The following RAI1 variants were observed in gnomAD, a reference collection of about 807,000 sequenced individuals.
RAI1 encodes retinoic acid-induced protein 1.
In RAI1, 9 loss-of-function variants were observed where a neutral mutation model predicts 123.8. The ratio of observed to expected loss-of-function variants is 0.07; its 90% CI spans 0.04 to 0.13. The LOEUF (loss-of-function observed/expected upper bound fraction) is 0.13. Among genes scored for constraint, RAI1 ranks in the 10% least tolerant of loss-of-function variants. RAI1 has a pLI of 1.00. For missense variants in RAI1, 2,256 were observed against 2,545.8 expected, an observed-to-expected ratio of 0.89 and a Z score of 2.45; for synonymous variants, 1,231 against 1,127.3, an observed-to-expected ratio of 1.09 and a Z score of -1.84.
In RAI1 at chr17:17,795,107, A is replaced by T. The variant is rs781214157; in HGVS notation, c.2159A>T (p.Asp720Val). Residue 720 changes from aspartate to valine, a missense_variant, in exon 3 of 6, where the codon GAC becomes GTC. This residue lies in a region of RAI1 where 566 missense variants were observed against 616.0 expected (regional missense o/e 0.92). Coordinates refer to ENST00000353383, the MANE Select transcript of RAI1 (RefSeq NM_030665.4). This position sits in a 1 kb window ranked among gnomAD's most constrained non-coding sequence, Gnocchi z 5.9. ...CCCACCCTTGGGGTTCCTGCTCCAG[A>T]CCCCACTACAGCAGCTTTTGACTGT... ...TKPTLGVPAP[D>V]PTTAAFDCFP... 6.2e-6 allele frequency: 10 copies of T among 1,613,856 alleles called. No individual in the cohort carries two copies. The East Asian group carries it at 2.2e-4, about 36-fold the overall frequency.
At chr17:17,782,747 G>C (rs2031642029) in intron 2 of RAI1, among the ~76,000 whole-genome samples, 1 of 151,932 alleles carries the variant, frequency 6.6e-6, no homozygotes, top group African/African-American at 2.4e-5. Flanking sequence ...CCTGGGGCCC[G>C]GCGAGCCGGG....
At position 17,797,530 on chromosome 17, in the gene RAI1, C is replaced by G. The variant is rs150165415; in HGVS notation, c.4582C>G (p.His1528Asp). ...PQTRAQKQPG[H>D]TNYSSYSKRK... ...GACAAGGGCACAGAAACAGCCAGGC[C>G]ACACCAACTACAGCAGCTATTCCAA... The change falls in exon 3 of 6, where the codon CAC (histidine) becomes GAC (aspartate). Residue 1528 changes from histidine (H) to aspartate (D), a missense_variant. His to Asp is a moderately conservative substitution (Grantham distance 81). Transcript: ENST00000353383. 1 of 1,613,956 alleles carries G rather than the reference C, an allele frequency of 6.2e-7. No individual in the cohort carries two copies. The highest frequency in any genetic ancestry group is 8.5e-7 in the Non-Finnish European group (1 of 1,179,944).
chr17:17,772,693 T>C (rs1482994461), intron 2 of RAI1, among the ~76,000 whole-genome samples: 1 of 152,172 alleles, frequency 6.6e-6, no homozygotes, highest in Non-Finnish European at 1.5e-5. Flanking sequence ...TCAGGTGAAG[T>C]GTCACTCCCC....
At chr17:17,759,297 T>C (rs980908482) in intron 2 of RAI1, 1 of 152,206 alleles carries the variant, frequency 6.6e-6, no homozygotes, top group Non-Finnish European at 1.5e-5. Flanking sequence ...CGAGGAGTTG[T>C]CTCACTCTTT....
chr17:17,803,839 C>T lies in RAI1; in HGVS notation c.5649C>T (p.Ala1883=), dbSNP rs753651514. The T allele has an allele frequency of 2.5e-6, 4 of 1,613,282 alleles. No homozygotes were observed. Among genetic ancestry groups the T allele is most frequent in the East Asian group, 2.2e-5 (1 of 44,898 alleles). The change falls in exon 4 of 6, where the codon GCC becomes GCT. Residue 1883 remains alanine, a synonymous_variant. Transcript: ENST00000353383. ...GCLHTYHYPC[A]SDAGCIFIEE... ...TCCACACCTACCACTACCCGTGTGC[C>T]AGCGATGCAGGTACGAGCCCGCCCA...
chr17:17,704,846 T>A, intron 1 of RAI1, among the ~76,000 whole-genome samples: 1 of 108,084 alleles, frequency 9.3e-6, no homozygotes. Context: ...GAAATTGTGC[T>A]TCCTGGTGGT....
chr17:17,783,187 C>T (rs2031672387), intron 2 of RAI1, among the ~76,000 whole-genome samples: 1 of 152,086 alleles, frequency 6.6e-6, no homozygotes, highest in Non-Finnish European at 1.5e-5. Context: ...CCTGCAGCGA[C>T]CGGGGACCGG....
chr17:17,771,656 T>C (rs926652955), intron 2 of RAI1, among the ~76,000 whole-genome samples: 1 of 152,212 alleles, frequency 6.6e-6, no homozygotes, highest in Admixed American at 6.5e-5. Flanking sequence ...CCCGCCTTTG[T>C]TTCCCAGCAA....
chr17:17,802,109 C>T (rs764680874), intron 3 of RAI1: 42 of 470,896 alleles, frequency 8.9e-5, no homozygotes, highest in Non-Finnish European at 8.4e-5. Context: ...TTCACTCTTC[C>T]AAGGGCCTTC....
intron 1 of RAI1, among the ~76,000 whole-genome samples, chr17:17,702,717 C>T (rs1915265057): frequency 6.6e-6 from 1 of 152,182 alleles, no homozygotes; most frequent in South Asian, 2.1e-4. Flanking sequence ...TTTAGCACCT[C>T]CCTGCCAGGC....
chr17:17,750,689 C>CAAAAAAAAAAAAAAAA (rs57637022), intron 2 of RAI1, among the ~76,000 whole-genome samples: 5 of 79,758 alleles, frequency 6.3e-5, no homozygotes, highest in South Asian at 5.3e-4. Context: ...TACTCCGTCT[C>CAAAAAAAAAAAAAAAA]AAAAAAAAAA....
intron 1 of RAI1, among the ~76,000 whole-genome samples, chr17:17,720,014 C>G (rs954160535): frequency 6.6e-6 from 1 of 152,164 alleles, no homozygotes; most frequent in South Asian, 2.1e-4. Flanking sequence ...TCTTAGTGTA[C>G]CAGCCTGGCC....
chr17:17,716,892 G>A (rs1011230844), intron 1 of RAI1, among the ~76,000 whole-genome samples: 4 of 152,218 alleles, frequency 2.6e-5, no homozygotes, highest in Admixed American at 6.5e-5. Flanking sequence ...GGCCCATCCC[G>A]ATGTCCCTGG....
Position 17,793,617 on chromosome 17 carries a change from C to G in RAI1, c.669C>G (p.Ser223=). ...SQSFPTSSTY[S]SSVQGGGQGA... ...CCTTCCCCACCTCCTCCACCTACTC[C>G]TCCTCTGTCCAGGGTGGTGGGCAGG... The change falls in exon 3 of 6, where the codon TCC becomes TCG. Residue 223 remains serine, a synonymous_variant. Transcript: ENST00000353383. 1.2e-6 allele frequency: 2 copies of G among 1,613,504 alleles called. No homozygotes were observed. The highest frequency in any genetic ancestry group is 1.7e-6 in the Non-Finnish European group (2 of 1,180,006).
chr17:17,756,759 G>A (rs1216195280), intron 2 of RAI1, among the ~76,000 whole-genome samples: 1 of 152,200 alleles, frequency 6.6e-6, no homozygotes, highest in Non-Finnish European at 1.5e-5. Flanking sequence ...TGAGTCGGGG[G>A]CACTGGAGAA....
At chr17:17,734,998 T>TG (rs1341698579) in intron 2 of RAI1, among the ~76,000 whole-genome samples, 1 of 152,134 alleles carries the variant, frequency 6.6e-6, no homozygotes, top group African/African-American at 2.4e-5. Context: ...GAGCAGGACT[T>TG]GCTTGTGTGG....
intron 2 of RAI1, among the ~76,000 whole-genome samples, chr17:17,762,907 C>T (rs2142992785): frequency 6.6e-6 from 1 of 152,200 alleles, no homozygotes; most frequent in Non-Finnish European, 1.5e-5. Flanking sequence ...GGGGGCTGGC[C>T]CGATGATTGG....
intron 1 of RAI1, among the ~76,000 whole-genome samples, chr17:17,689,069 C>G (rs185822637): frequency 6.6e-6 from 1 of 152,040 alleles, no homozygotes; most frequent in Non-Finnish European, 1.5e-5. Flanking sequence ...ATTTCTCCTG[C>G]CTCAGCCTCC....
chr17:17,694,782 C>T (rs1304825293), intron 1 of RAI1, among the ~76,000 whole-genome samples: 3 of 149,936 alleles, frequency 2.0e-5, no homozygotes, highest in Non-Finnish European at 3.0e-5. Context: ...GGGCCGCTCG[C>T]GTCGCCATGG....
Sources: gnomAD v4.1 joint callset for allele counts (sites outside exome capture counted in the v4.1 genomes callset) on GRCh38, gnomAD v4.1.1 for gene constraint, gnomAD v4.1.1 regional missense constraint, Gnocchi (gnomAD v3.1) non-coding constraint, MANE v1.5 for transcripts, NCBI Gene and HGNC (gene_info 2026-07-23, HGNC 2026-07-21) for gene names.